Variants in CLASP1 observed in about 807,000 individuals in gnomAD.
CLASP1 encodes the protein cytoplasmic linker associated protein 1.
CLASP1 carries 38 observed loss-of-function variants against 192.3 expected under a neutral mutation model. That is an observed-to-expected ratio of 0.20 (90% CI 0.15 to 0.26). The LOEUF (loss-of-function observed/expected upper bound fraction) is 0.26, where lower values mean the gene tolerates loss of function less well. Ranked by LOEUF, CLASP1 falls within the 10% of genes least tolerant of loss-of-function variation. The pLI is 1.00. For synonymous variants in CLASP1, 691 were observed against 712.8 expected, an observed-to-expected ratio of 0.97 and a Z score of 0.49; for missense variants, 1,433 against 1,932.5, an observed-to-expected ratio of 0.74 and a Z score of 4.85.
chr2:121,522,849 G>A lies in CLASP1; in HGVS notation c.546+2996C>T, dbSNP rs568203121. On this transcript the variant is annotated intron_variant, in intron 6 of 39. Transcript: ENST00000263710. ...AATTAAGGTTTTTCATATATTTAAA[G>A]CACTATACAGCTGAGTTTCTCAGAA... Among the ~76,000 whole-genome samples the A allele has an allele frequency of 8.4e-4, 128 of 152,310 alleles. 1 individual carries two copies. Among genetic ancestry groups the A allele is most frequent in the Non-Finnish European group, 1.3e-3 (89 of 68,030 alleles).
chr2:121,581,260 C>T (rs201976694), intron 2 of CLASP1, among the ~76,000 whole-genome samples: 122 of 57,650 alleles, frequency 2.1e-3, no homozygotes, highest in African/African-American at 6.4e-3. Context: ...GCCTTTTGTT[C>T]TTTTTTTTTT....
intron 8 of CLASP1, among the ~76,000 whole-genome samples, chr2:121,474,037 A>T (rs2091225101): frequency 6.6e-6 from 1 of 152,214 alleles, no homozygotes. Flanking sequence ...ATGTGGATAA[A>T]TATAAGACTT....
chr2:121,396,069 T>A (rs1282970425), intron 30 of CLASP1, among the ~76,000 whole-genome samples: 1 of 152,196 alleles, frequency 6.6e-6, no homozygotes, highest in African/African-American at 2.4e-5. Context: ...CTGCCCTATA[T>A]CAATTAAATC....
intron 32 of CLASP1, among the ~76,000 whole-genome samples, chr2:121,385,227 T>C (rs1352815614): frequency 6.6e-6 from 1 of 152,246 alleles, no homozygotes; most frequent in African/African-American, 2.4e-5. Context: ...ACAGTTTTAG[T>C]TGCGAGAAAA....
intron 2 of CLASP1, among the ~76,000 whole-genome samples, chr2:121,545,149 A>C (rs1031953822): frequency 6.6e-6 from 1 of 152,092 alleles, no homozygotes; most frequent in Admixed American, 6.6e-5. Flanking sequence ...TGACAGTTCA[A>C]GTGATCCACC....
chr2:121,636,442 T>C (rs2070894267), intron 1 of CLASP1, among the ~76,000 whole-genome samples: 1 of 151,212 alleles, frequency 6.6e-6, no homozygotes, highest in Non-Finnish European at 1.5e-5. Flanking sequence ...GGCGGGTGGA[T>C]CACCTGAGGT....
rs190392210 is a variant in CLASP1 at position 121,610,180 on chromosome 2, A to G, written c.-285-4000T>C. On this transcript the variant is annotated intron_variant, in intron 1 of 39. Coordinates refer to ENST00000263710, the Ensembl canonical transcript of CLASP1. ...GGATGACGTGGAGGAGTGAGAGAAG[A>G]AGGAGGAGGAGTTACAGGAGGAAGA... Among the ~76,000 whole-genome samples the G allele has an allele frequency of 8.2e-4, 124 of 152,080 alleles. No homozygotes were observed. In the Middle Eastern group the frequency reaches 0.014, roughly 17 times the overall value.
At chr2:121,422,307 T>A (rs1323023426) in intron 22 of CLASP1, among the ~76,000 whole-genome samples, 1 of 152,228 alleles carries the variant, frequency 6.6e-6, no homozygotes, top group Non-Finnish European at 1.5e-5. Flanking sequence ...TAGACAGTAG[T>A]CTAATTTCAC....
intron 2 of CLASP1, among the ~76,000 whole-genome samples, chr2:121,575,370 G>A (rs2060412319): frequency 6.6e-6 from 1 of 152,100 alleles, no homozygotes; most frequent in Admixed American, 6.5e-5. Flanking sequence ...GCCTCCCAAA[G>A]TGCTGGGATT....
At chr2:121,516,496 G>C (rs2094296829) in intron 6 of CLASP1, among the ~76,000 whole-genome samples, 1 of 152,220 alleles carries the variant, frequency 6.6e-6, no homozygotes, top group South Asian at 2.1e-4. Flanking sequence ...TTCAGGAAGA[G>C]GAAGTACGCC....
At chr2:121,618,665 AT>A (rs926471933) in intron 1 of CLASP1, among the ~76,000 whole-genome samples, 4 of 142,750 alleles carry the variant, frequency 2.8e-5, no homozygotes, top group South Asian at 2.1e-4. Flanking sequence ...TGTATTATGA[AT>A]TTTTTAATGC....
At chr2:121,548,312 G>A (rs1210612263) in intron 2 of CLASP1, among the ~76,000 whole-genome samples, 1 of 152,114 alleles carries the variant, frequency 6.6e-6, no homozygotes, top group Non-Finnish European at 1.5e-5. Flanking sequence ...GCTGAAGAAA[G>A]AATCTTAGAA....
intron 2 of CLASP1, among the ~76,000 whole-genome samples, chr2:121,537,310 C>T (rs989099847): frequency 2.6e-5 from 4 of 151,388 alleles, no homozygotes; most frequent in East Asian, 3.9e-4. Context: ...GAGGATCGCT[C>T]GAGCCCAGGA....
At chr2:121,506,361 T>G (rs1273054453) in intron 7 of CLASP1, among the ~76,000 whole-genome samples, 1 of 152,078 alleles carries the variant, frequency 6.6e-6, no homozygotes, top group African/African-American at 2.4e-5. Context: ...TGACCTGACT[T>G]AGAGCTTGTT....
chr2:121,589,189 A>G (rs751836330), intron 2 of CLASP1, among the ~76,000 whole-genome samples: 57 of 152,330 alleles, frequency 3.7e-4, no homozygotes, highest in Middle Eastern at 6.8e-3. Flanking sequence ...GTGCCCATCC[A>G]TCTGACTTGC....
chr2:121,646,571 T>C, intron 1 of CLASP1, among the ~76,000 whole-genome samples: 1 of 152,230 alleles, frequency 6.6e-6, no homozygotes, highest in East Asian at 1.9e-4. Flanking sequence ...TAAATGTTTA[T>C]ATTTACCAAC....
intron 2 of CLASP1, among the ~76,000 whole-genome samples, chr2:121,595,010 T>A (rs1465512954): frequency 6.6e-6 from 1 of 152,204 alleles, no homozygotes; most frequent in Non-Finnish European, 1.5e-5. Flanking sequence ...AGAACTATTT[T>A]AAATATATTC....
At chr2:121,597,435 G>A (rs765758998) in intron 2 of CLASP1, among the ~76,000 whole-genome samples, 6 of 152,078 alleles carry the variant, frequency 3.9e-5, no homozygotes, top group Non-Finnish European at 8.8e-5. Flanking sequence ...AGATTTTTAG[G>A]AAGATAAAAT....
intron 39 of CLASP1, among the ~76,000 whole-genome samples, chr2:121,343,113 A>T (rs932094738): frequency 2.6e-5 from 4 of 152,198 alleles, no homozygotes; most frequent in South Asian, 2.1e-4. Flanking sequence ...CATCTTTTTA[A>T]CAGATAAGAA....
Sources: gnomAD v4.1 joint callset for allele counts (sites outside exome capture counted in the v4.1 genomes callset) on GRCh38, gnomAD v4.1.1 for gene constraint, MANE v1.5 for transcripts, NCBI Gene and HGNC (gene_info 2026-07-23, HGNC 2026-07-21) for gene names.